Variants in NEMP2 observed in about 807,000 individuals in gnomAD.
NEMP2 encodes UPF0571 transmembrane protein.
In NEMP2, 53 loss-of-function variants were observed where a neutral mutation model predicts 54.2. The ratio of observed to expected loss-of-function variants is 0.98; its 90% CI spans 0.78 to 1.23. The LOEUF is 1.23. Ranked by LOEUF, NEMP2 falls within the 50% of genes most tolerant of loss-of-function variation. NEMP2 has a pLI of 0.00. For synonymous variants in NEMP2, 197 were observed against 190.3 expected (o/e 1.04, Z -0.29); for missense variants, 455 against 511.3 (o/e 0.89, Z 1.06).
chr2:190,454,939 T>C, the NEMP2 span, among the ~76,000 whole-genome samples: 1 of 41,492 alleles, frequency 2.4e-5, no homozygotes, highest in Non-Finnish European at 6.2e-5. The surrounding 1 kb of genome is among the most constrained non-coding windows in gnomAD (Gnocchi z 4.6). Flanking sequence ...TCTGTATGTA[T>C]ATGTATATGT....
rs4146924 is a variant in NEMP2 at position 190,529,930 on chromosome 2, C to A, written c.98-4552G>T. ...GGCTGCACTTCCCCCTTGCCCTACCCCATGGCCAATACATCCATAGCTAGA... is the reference window on the plus strand; with the variant it reads ...GGCTGCACTTCCCCCTTGCCCTACCACATGGCCAATACATCCATAGCTAGA... On this transcript the variant is annotated intron_variant, in intron 1 of 8. Coordinates refer to ENST00000409150, the MANE Select transcript of NEMP2 (RefSeq NM_001142645.2). This position sits in a 1 kb window ranked among gnomAD's most constrained non-coding sequence, Gnocchi z 4.7. Among the ~76,000 whole-genome samples the A allele has an allele frequency of 3.9e-5, 6 of 152,136 alleles. No individual in the cohort carries two copies. The highest frequency in any genetic ancestry group is 3.3e-4 in the Admixed American group (5 of 15,274).
chr2:190,493,713 A>G, the NEMP2 span, among the ~76,000 whole-genome samples: 35 of 152,228 alleles, frequency 2.3e-4, no homozygotes, highest in African/African-American at 8.4e-4. Flanking sequence ...ATCAACTCCA[A>G]AAGGAACCTT....
chr2:190,528,390 CG>C lies in NEMP2; in HGVS notation c.98-3013del, dbSNP rs965767547. On this transcript the variant is annotated intron_variant, in intron 1 of 8. Coordinates refer to ENST00000409150, the MANE Select transcript of NEMP2 (RefSeq NM_001142645.2). The surrounding 1 kb of genome is among the most constrained non-coding windows in gnomAD (Gnocchi z 4.3). ...ATGTTCTGCCTTTGCACAGCCTCCT[CG>C]GGGGGGTCTCTAAGCATGGCTAGAG... 2.0e-5 allele frequency among the ~76,000 whole-genome samples: 3 copies of C among 152,056 alleles called. No individual in the cohort carries two copies. The highest frequency in any genetic ancestry group is 7.3e-5 in the African/African-American group (3 of 41,376).
At chr2:190,470,113 A>G in the NEMP2 span, among the ~76,000 whole-genome samples, 4 of 152,260 alleles carry the variant, frequency 2.6e-5, no homozygotes, top group African/African-American at 9.6e-5. Flanking sequence ...GAACTCTAGA[A>G]TAAACTCCTG....
At chr2:190,441,423 A>C in the NEMP2 span, among the ~76,000 whole-genome samples, 1 of 151,026 alleles carries the variant, frequency 6.6e-6, no homozygotes, top group South Asian at 2.1e-4. Flanking sequence ...GCCAAGGTTG[A>C]GAACCACCAG....
chr2:190,437,671 G>C, the NEMP2 span: 2 of 1,283,862 alleles, frequency 1.6e-6, no homozygotes, highest in Non-Finnish European at 1.1e-6. The surrounding 1 kb of genome is among the most constrained non-coding windows in gnomAD (Gnocchi z 5.9). Context: ...GTTGAGGATA[G>C]GGTTGGAGTG....
intron 3 of NEMP2, 28 bp downstream of exon 3, chr2:190,518,924 A>G: frequency 6.5e-7 from 1 of 1,530,266 alleles, no homozygotes; most frequent in South Asian, 1.2e-5. Flanking sequence ...TGAATCCAGA[A>G]AGTCAAGTAT....
the NEMP2 span, among the ~76,000 whole-genome samples, chr2:190,642,212 T>TTTG: frequency 4.6e-5 from 7 of 152,234 alleles, no homozygotes; most frequent in Admixed American, 1.3e-4. The surrounding 1 kb of genome is among the most constrained non-coding windows in gnomAD (Gnocchi z 4.1). Flanking sequence ...GGGTTTTTTT[T>TTTG]TTGTTGTTGT....
In NEMP2 at chr2:190,529,956, G is replaced by A. The variant is rs571669947; in HGVS notation, c.98-4578C>T. On this transcript the variant is annotated intron_variant, in intron 1 of 8. Coordinates refer to ENST00000409150, the MANE Select transcript of NEMP2 (RefSeq NM_001142645.2). The surrounding 1 kb of genome is among the most constrained non-coding windows in gnomAD (Gnocchi z 4.7). ...CATGGCCAATACATCCATAGCTAGA[G>A]GGTTGAGTACTGTAACCCTTAACAT... Among the ~76,000 whole-genome samples, 1 of 152,316 alleles carries A rather than the reference G, an allele frequency of 6.6e-6. No homozygotes were observed. Among genetic ancestry groups the A allele is most frequent in the Non-Finnish European group, 1.5e-5 (1 of 68,038 alleles).
the NEMP2 span, among the ~76,000 whole-genome samples, chr2:190,603,872 C>T: frequency 6.6e-6 from 1 of 152,028 alleles, no homozygotes. Context: ...TGTTCCTACT[C>T]TTTACACCCC....
At chr2:190,540,347 G>T in the NEMP2 span, among the ~76,000 whole-genome samples, 1 of 151,260 alleles carries the variant, frequency 6.6e-6, no homozygotes, top group Non-Finnish European at 1.5e-5. Context: ...ACAGTGGCAC[G>T]ATCATGGGTC....
At chr2:190,445,802 C>T in the NEMP2 span, among the ~76,000 whole-genome samples, 19 of 151,708 alleles carry the variant, frequency 1.3e-4, no homozygotes, top group Admixed American at 2.0e-4. Flanking sequence ...AGATTCATAA[C>T]GTGGTAATAT....
Position 190,509,018 on chromosome 2 carries a change from AT to A in NEMP2, c.*170del. The A allele has an allele frequency of 9.9e-7, 1 of 1,005,680 alleles. No homozygotes were observed. The highest frequency in any genetic ancestry group is 1.4e-6 in the Non-Finnish European group (1 of 710,192). 62.3% of individuals were successfully genotyped at this position (1,005,680 alleles called of 1,614,324 possible). ...CAATAAGTAGCAGAAGTCACCAAGA[AT>A]GCTAAGTTATCTTCAAAATGGGTTG... is the stretch of plus-strand genomic sequence containing the variant. On this transcript the variant is annotated 3_prime_UTR_variant, in exon 9 of 9. Transcript: ENST00000409150. This position sits in a 1 kb window ranked among gnomAD's most constrained non-coding sequence, Gnocchi z 6.1.
the NEMP2 span, among the ~76,000 whole-genome samples, chr2:190,614,993 A>T: frequency 6.6e-6 from 1 of 152,242 alleles, no homozygotes; most frequent in African/African-American, 2.4e-5. The surrounding 1 kb of genome is among the most constrained non-coding windows in gnomAD (Gnocchi z 5.7). Context: ...ATCTTGAACA[A>T]TAGGAAAGCA....
At chr2:190,500,417 T>A, downstream of NEMP2, 2 of 610,974 alleles carry the variant, frequency 3.3e-6, no homozygotes, top group Non-Finnish European at 5.7e-6. The surrounding 1 kb of genome is among the most constrained non-coding windows in gnomAD (Gnocchi z 5.3). Flanking sequence ...ACTTTCGTAA[T>A]CTCATTGGAA....
At chr2:190,574,645 C>CTA in the NEMP2 span, among the ~76,000 whole-genome samples, 1 of 152,030 alleles carries the variant, frequency 6.6e-6, no homozygotes, top group Non-Finnish European at 1.5e-5. Context: ...CTGACCTGTC[C>CTA]CCCAACCCTA....
the NEMP2 span, among the ~76,000 whole-genome samples, chr2:190,557,458 A>AGCTT: frequency 6.6e-6 from 1 of 152,234 alleles, no homozygotes; most frequent in African/African-American, 2.4e-5. Context: ...TGGCAACAAA[A>AGCTT]GCCAAAATTG....
chr2:190,560,021 G>A, the NEMP2 span, among the ~76,000 whole-genome samples: 1 of 152,210 alleles, frequency 6.6e-6, no homozygotes, highest in Non-Finnish European at 1.5e-5. The surrounding 1 kb of genome is among the most constrained non-coding windows in gnomAD (Gnocchi z 5.4). Context: ...AGGGATTTAG[G>A]CTGGTATCAG....
chr2:190,642,923 T>C, the NEMP2 span, among the ~76,000 whole-genome samples: 1 of 151,764 alleles, frequency 6.6e-6, no homozygotes, highest in Non-Finnish European at 1.5e-5. The surrounding 1 kb of genome is among the most constrained non-coding windows in gnomAD (Gnocchi z 4.1). Flanking sequence ...GCTCTTTTAG[T>C]GAAATTTTCA....
Sources: allele counts gnomAD v4.1 joint callset (sites outside exome capture counted in the v4.1 genomes callset), GRCh38; gene constraint gnomAD v4.1.1; non-coding constraint Gnocchi (gnomAD v3.1); transcripts MANE v1.5; gene names NCBI Gene and HGNC (gene_info 2026-07-23, HGNC 2026-07-21).